Variants in ALDH1L2 observed in about 807,000 individuals in gnomAD.
ALDH1L2 encodes the protein aldehyde dehydrogenase 1 family member L2.
In ALDH1L2, 91 loss-of-function variants were observed where a neutral mutation model predicts 111.0. The observed-to-expected ratio is 0.82, with a 90% CI of 0.69 to 0.98. The LOEUF (loss-of-function observed/expected upper bound fraction) is 0.98. Among genes scored for constraint, ALDH1L2 ranks in the 50% least tolerant of loss-of-function variants. ALDH1L2 has a pLI of 0.00. For synonymous variants in ALDH1L2, 374 were observed against 392.6 expected, an observed-to-expected ratio of 0.95 and a Z score of 0.56; for missense variants, 995 against 1,126.8, an observed-to-expected ratio of 0.88 and a Z score of 1.67.
At chr12:105,038,275 C>CAA (rs1565953336) in intron 17 of ALDH1L2, 73 bp from the exon 18 acceptor site, 5 of 376,458 alleles carry the variant, frequency 1.3e-5, no homozygotes, top group African/African-American at 1.1e-4. Context: ...CACACACACA[C>CAA]ACAAACACAC....
rs116355764 is a variant in ALDH1L2 at position 105,065,086 on chromosome 12, C to T, written c.786+181G>A. 4.4e-3 allele frequency among the ~76,000 whole-genome samples: 667 copies of T among 152,214 alleles called. 5 individuals are homozygous for T. Among genetic ancestry groups the T allele is most frequent in the African/African-American group, 0.015 (640 of 41,528 alleles). ...AAAACTGCAGGCTCCTTAGATCAGG[C>T]GCTGGATTTAGTGTCTGCTGCACAA... On this transcript the variant is annotated intron_variant, in intron 6 of 22. Coordinates refer to ENST00000258494, the MANE Select transcript of ALDH1L2 (RefSeq NM_001034173.4).
At chr12:105,052,737 C>A in intron 11 of ALDH1L2, 75 bp downstream of exon 11, 4 of 1,572,200 alleles carry the variant, frequency 2.5e-6, no homozygotes, top group Non-Finnish European at 2.6e-6. Context: ...CTTCTTAAGA[C>A]TGCCTCTTTT....
At chr12:105,029,338 C>G (rs1052911682) in intron 21 of ALDH1L2, among the ~76,000 whole-genome samples, 7 of 152,122 alleles carry the variant, frequency 4.6e-5, no homozygotes, top group African/African-American at 1.7e-4. Flanking sequence ...GTAACTGGCC[C>G]AAGCTCAGAG....
At position 105,070,308 on chromosome 12, in the gene ALDH1L2, AG is replaced by A. The variant is rs937747972; in HGVS notation, c.428+261del. Among the ~76,000 whole-genome samples the A allele has an allele frequency of 7.9e-5, 12 of 152,316 alleles. 1 individual carries two copies. Among genetic ancestry groups the A allele is most frequent in the Admixed American group, 1.3e-4 (2 of 15,294 alleles). ...GTTCATGCAACAGTAGTAACCAATC[AG>A]GACCTCACAACTGTTCAAGCATGCC... On this transcript the variant is annotated intron_variant, in intron 3 of 22. Coordinates refer to ENST00000258494, the MANE Select transcript of ALDH1L2 (RefSeq NM_001034173.4).
chr12:105,052,294 G>GA (rs1876336091), intron 11 of ALDH1L2, 77 bp from the exon 12 acceptor site: 2 of 1,354,228 alleles, frequency 1.5e-6, no homozygotes. Flanking sequence ...TGTATTAATA[G>GA]AAAAAATAGA....
chr12:105,024,566 G>T, intron 22 of ALDH1L2, 87 bp from the exon 23 acceptor site: 1 of 1,308,154 alleles, frequency 7.6e-7, no homozygotes, highest in Non-Finnish European at 1.1e-6. Flanking sequence ...ATACGTAGGT[G>T]TCCAGGTCAC....
intron 2 of ALDH1L2, among the ~76,000 whole-genome samples, chr12:105,071,529 TC>T (rs1478825295): frequency 6.7e-6 from 1 of 148,626 alleles, no homozygotes; most frequent in African/African-American, 2.5e-5. Flanking sequence ...CCTATTTTTT[TC>T]ATAATGAAAT....
At chr12:105,036,126 T>TTA (rs1394920684) in intron 18 of ALDH1L2, among the ~76,000 whole-genome samples, 1 of 43,706 alleles carries the variant, frequency 2.3e-5, no homozygotes, top group Non-Finnish European at 3.3e-5. Context: ...TGTATATATA[T>TTA]TATATATATA....
intron 12 of ALDH1L2, among the ~76,000 whole-genome samples, chr12:105,051,238 A>G (rs1000292180): frequency 1.3e-5 from 2 of 152,128 alleles, no homozygotes; most frequent in Admixed American, 1.3e-4. Flanking sequence ...TGACCTTTAT[A>G]GATTACATCA....
At chr12:105,074,607 T>G (rs1396580185) in intron 1 of ALDH1L2, among the ~76,000 whole-genome samples, 2 of 152,152 alleles carry the variant, frequency 1.3e-5, no homozygotes, top group African/African-American at 2.4e-5. Flanking sequence ...AGCATGTGGC[T>G]CCACGGGGAT....
In ALDH1L2 at chr12:105,065,358, T is replaced by C. The variant is rs1255811832; in HGVS notation, c.697-2A>G. 1 of 1,610,630 alleles carries C rather than the reference T, an allele frequency of 6.2e-7. No individual in the cohort carries two copies. Among genetic ancestry groups the C allele is most frequent in the East Asian group, 2.2e-5 (1 of 44,728 alleles). On this transcript the variant is annotated splice_acceptor_variant, in intron 5 of 22. Coordinates refer to ENST00000258494, the MANE Select transcript of ALDH1L2 (RefSeq NM_001034173.4). LOFTEE classifies it high-confidence loss of function. The stretch of plus-strand genomic sequence containing the variant: ...TTCGGCAGACTGGTCCCAAGAAATC[T>C]AGGAAGGCACAAAATACAGGCTGAG...
chr12:105,050,452 G>A (rs889315726), intron 12 of ALDH1L2: 9 of 208,870 alleles, frequency 4.3e-5, no homozygotes, highest in Non-Finnish European at 7.8e-5. Flanking sequence ...AGATAGCAAC[G>A]TACACAATGA....
In ALDH1L2 at chr12:105,062,825, A is replaced by C. The variant is rs1877079477; in HGVS notation, c.921+63T>G. ...CAATGGAGTGAAAGCTATTCCCTTA[A>C]TAGCTTGGGTTATAGAAGAAAATCA... On this transcript the variant is annotated intron_variant, in intron 7 of 22. Coordinates refer to ENST00000258494, the MANE Select transcript of ALDH1L2 (RefSeq NM_001034173.4). 7 of 1,559,366 alleles carry C rather than the reference A, an allele frequency of 4.5e-6. No individual in the cohort carries two copies. The South Asian group carries it at 8.7e-5, about 19-fold the overall frequency.
chr12:105,078,698 G>GT (rs1878193853), intron 1 of ALDH1L2, among the ~76,000 whole-genome samples: 1 of 152,176 alleles, frequency 6.6e-6, no homozygotes, highest in Admixed American at 6.5e-5. Flanking sequence ...CCACCAACTA[G>GT]TAGGGAGGGC....
Position 105,027,485 on chromosome 12 carries a change from C to T in ALDH1L2, c.2517-741G>A, listed in dbSNP as rs150490532. On this transcript the variant is annotated intron_variant, in intron 21 of 22. Coordinates refer to ENST00000258494, the MANE Select transcript of ALDH1L2 (RefSeq NM_001034173.4). ...TTTCAGATCCCACCAGTGCCATTGTCGAGGTGGGAGAGTAGGGTGGTTCTG... is the reference window on the plus strand; with the variant it reads ...TTTCAGATCCCACCAGTGCCATTGTTGAGGTGGGAGAGTAGGGTGGTTCTG... Among the ~76,000 whole-genome samples the T allele has an allele frequency of 1.8e-3, 275 of 152,284 alleles. 1 individual carries two copies. The highest frequency in any genetic ancestry group is 5.7e-3 in the African/African-American group (236 of 41,558).
At chr12:105,038,071 C>T in intron 18 of ALDH1L2, 32 bp downstream of exon 18, 1 of 1,586,060 alleles carries the variant, frequency 6.3e-7, no homozygotes, top group Non-Finnish European at 8.7e-7. Context: ...CTGGCCCAGG[C>T]ACCTATTTAC....
chr12:105,025,921 G>A (rs1219588057), intron 22 of ALDH1L2, among the ~76,000 whole-genome samples: 1 of 152,210 alleles, frequency 6.6e-6, no homozygotes, highest in Non-Finnish European at 1.5e-5. Flanking sequence ...GAGCTCGTGT[G>A]AGAATTGCCT....
intron 16 of ALDH1L2, among the ~76,000 whole-genome samples, chr12:105,040,269 G>A (rs7134259): frequency 0.32 from 48,126 of 151,524 alleles, 8,291 homozygotes; most frequent in South Asian, 0.51. Flanking sequence ...ATAAAAGTCT[G>A]AAATAATACC....
In ALDH1L2 at chr12:105,070,613, G is replaced by C; in HGVS notation, c.385C>G (p.Pro129Ala). 1.2e-6 allele frequency: 2 copies of C among 1,614,058 alleles called. No individual in the cohort carries two copies. The highest frequency in any genetic ancestry group is 2.2e-5 in the South Asian group (2 of 91,076). Residue 129 changes from proline to alanine, a missense_variant, in exon 3 of 23, where the codon CCA becomes GCA. By Grantham distance (27) the Pro-to-Ala change is conservative (BLOSUM62 -1). Coordinates refer to ENST00000258494, the MANE Select transcript of ALDH1L2 (RefSeq NM_001034173.4). The stretch of plus-strand genomic sequence containing the variant: ...CCTCTGTGCCTGGGCAGGATGGATG[G>C]GTGATAAATGATAGAGCCGTGCTTT... Reference protein sequence around the residue: ...SPKHGSIIYHPSILPRHRGAS... With the variant: ...SPKHGSIIYHASILPRHRGAS...
Sources: gnomAD v4.1 joint callset for allele counts (sites outside exome capture counted in the v4.1 genomes callset) on GRCh38, gnomAD v4.1.1 for gene constraint, MANE v1.5 for transcripts, NCBI Gene and HGNC (gene_info 2026-07-23, HGNC 2026-07-21) for gene names.